PRKAR2A: variants seen among roughly 807,000 people sequenced by gnomAD.
The protein encoded by PRKAR2A is cAMP-dependent protein kinase type II-alpha regulatory subunit.
A neutral mutation model predicts 51.9 loss-of-function variants in PRKAR2A; 29 were observed. The ratio of observed to expected loss-of-function variants is 0.56; its 90% CI spans 0.42 to 0.76. PRKAR2A has a LOEUF of 0.76. PRKAR2A is among the 30% of genes least tolerant of loss of function. The probability of loss-of-function intolerance (pLI) is 0.00; values close to 1 mark genes in which losing one functional copy is unlikely to be tolerated. For missense variants in PRKAR2A, 445 were observed against 512.1 expected, an observed-to-expected ratio of 0.87 and a Z score of 1.26; for synonymous variants, 178 against 186.2, an observed-to-expected ratio of 0.96 and a Z score of 0.36.
intron 5 of PRKAR2A, among the ~76,000 whole-genome samples, chr3:48,774,314 AC>A (rs1027555649): frequency 2.0e-5 from 3 of 151,906 alleles, no homozygotes; most frequent in African/African-American, 7.3e-5. Context: ...ATTAATAGTT[AC>A]TTTGAAATAT....
chr3:48,845,700 A>T (rs2083450474), intron 1 of PRKAR2A, among the ~76,000 whole-genome samples: 1 of 152,166 alleles, frequency 6.6e-6, no homozygotes, highest in Admixed American at 6.6e-5. Context: ...TAATCCTAGC[A>T]CTTTGGGAGG....
rs1262497052 is a variant in PRKAR2A, at chr3:48,750,217, G to T, written c.*1368C>A. The T allele has an allele frequency of 6.6e-6, 1 of 151,976 alleles. No individual in the cohort carries two copies. The highest frequency in any genetic ancestry group is 1.5e-5 in the Non-Finnish European group (1 of 68,018). The allele number at this position is 151,976 out of a possible 1,614,324, so 9.4% of individuals were successfully genotyped here. A position where few individuals can be genotyped will look rare whatever the true frequency, so the allele number is the denominator to read the frequency against. On this transcript the variant is annotated 3_prime_UTR_variant, in exon 11 of 11. Coordinates refer to ENST00000265563, the MANE Select transcript of PRKAR2A (RefSeq NM_004157.4). ...TGTCTCTATTAAAAATACAAAATTC[G>T]CCCGGCATGGTGGCGCATGCCTGTA...
chr3:48,789,489 T>C (rs1488752957), intron 4 of PRKAR2A, among the ~76,000 whole-genome samples: 1 of 150,050 alleles, frequency 6.7e-6, no homozygotes, highest in Non-Finnish European at 1.5e-5. Flanking sequence ...ATTCTTATTC[T>C]ATTTTTTTTT....
chr3:48,830,334 G>A (rs2083168688), intron 1 of PRKAR2A, among the ~76,000 whole-genome samples: 1 of 152,092 alleles, frequency 6.6e-6, no homozygotes, highest in African/African-American at 2.4e-5. Flanking sequence ...TTGTACCACT[G>A]GAAGGTCTTT....
chr3:48,756,719 A>G (rs1476208172), intron 8 of PRKAR2A, among the ~76,000 whole-genome samples: 8 of 152,212 alleles, frequency 5.3e-5, no homozygotes, highest in Admixed American at 5.2e-4. Context: ...GGCACACTTC[A>G]GTTTCTGACC....
At chr3:48,800,687 T>A (rs895016351) in intron 2 of PRKAR2A, among the ~76,000 whole-genome samples, 16 of 152,176 alleles carry the variant, frequency 1.1e-4, no homozygotes, top group African/African-American at 3.9e-4. Context: ...TCTTTTTTTT[T>A]TGAGACGGAG....
chr3:48,785,353 C>T (rs1161502119), intron 4 of PRKAR2A, among the ~76,000 whole-genome samples: 1 of 151,716 alleles, frequency 6.6e-6, no homozygotes, highest in Non-Finnish European at 1.5e-5. Flanking sequence ...CTCTGCCTCC[C>T]GGGCTCAAGC....
intron 1 of PRKAR2A, among the ~76,000 whole-genome samples, chr3:48,815,856 TA>T (rs2107386311): frequency 6.9e-6 from 1 of 145,006 alleles, no homozygotes; most frequent in East Asian, 2.1e-4. Flanking sequence ...CCATCTCTAC[TA>T]AAAATAAAAA....
At chr3:48,841,721 A>C (rs2083384527) in intron 1 of PRKAR2A, among the ~76,000 whole-genome samples, 1 of 152,092 alleles carries the variant, frequency 6.6e-6, no homozygotes, top group Admixed American at 6.6e-5. Context: ...ACATCTCCAC[A>C]TCTTGGCTAT....
intron 1 of PRKAR2A, among the ~76,000 whole-genome samples, chr3:48,831,966 C>CGTG: frequency 6.6e-6 from 1 of 152,260 alleles, no homozygotes; most frequent in Middle Eastern, 3.4e-3. Context: ...ACTGTCTTTG[C>CGTG]ACACGTATCT....
chr3:48,842,053 T>C lies in PRKAR2A; in HGVS notation c.262+5282A>G, dbSNP rs1036305579. On this transcript the variant is annotated intron_variant, in intron 1 of 10. Coordinates refer to ENST00000265563, the MANE Select transcript of PRKAR2A (RefSeq NM_004157.4). The stretch of plus-strand genomic sequence containing the variant: ...ATTCTTCCTATCCATGAGCATGGAA[T>C]GTTCTTCCATTTGTTTGTATCCTCT... Among the ~76,000 whole-genome samples the C allele has an allele frequency of 2.0e-5, 3 of 152,202 alleles. No individual in the cohort carries two copies. The East Asian group carries it at 5.8e-4, about 29-fold the overall frequency.
intron 1 of PRKAR2A, among the ~76,000 whole-genome samples, chr3:48,814,238 A>C (rs905997081): frequency 2.0e-5 from 3 of 151,002 alleles, no homozygotes; most frequent in Non-Finnish European, 3.0e-5. Flanking sequence ...CAGAGCGAGA[A>C]TCCGTCTCAA....
chr3:48,797,210 C>T (rs1210753192), intron 2 of PRKAR2A, among the ~76,000 whole-genome samples: 1 of 152,080 alleles, frequency 6.6e-6, no homozygotes, highest in African/African-American at 2.4e-5. Flanking sequence ...CTGTCTTGCC[C>T]AGGCTGTAGT....
chr3:48,792,362 G>A (rs1238006939), intron 3 of PRKAR2A, among the ~76,000 whole-genome samples: 3 of 150,454 alleles, frequency 2.0e-5, no homozygotes, highest in East Asian at 2.0e-4. Flanking sequence ...GGCTGGTCTC[G>A]AACTCCTGAC....
intron 5 of PRKAR2A, among the ~76,000 whole-genome samples, chr3:48,777,082 A>G (rs2082116934): frequency 6.6e-6 from 1 of 152,084 alleles, no homozygotes; most frequent in Admixed American, 6.6e-5. Flanking sequence ...GGGGAGTTCA[A>G]TCAACACAAA....
chr3:48,772,921 G>A, intron 6 of PRKAR2A, 34 bp downstream of exon 6: 3 of 1,598,544 alleles, frequency 1.9e-6, no homozygotes, highest in Non-Finnish European at 2.6e-6. Flanking sequence ...AATTAATACT[G>A]TGCCTTGCAA....
intron 6 of PRKAR2A, among the ~76,000 whole-genome samples, chr3:48,767,824 TGAGACAG>T (rs774045735): frequency 1.1e-4 from 16 of 150,978 alleles, no homozygotes; most frequent in Non-Finnish European, 2.2e-4. Context: ...CTAGGGAGGC[TGAGACAG>T]GAGAATCGCT....
At chr3:48,801,667 A>G (rs911253858) in intron 2 of PRKAR2A, among the ~76,000 whole-genome samples, 3 of 151,848 alleles carry the variant, frequency 2.0e-5, no homozygotes, top group African/African-American at 7.3e-5. Flanking sequence ...GTGCGATCTC[A>G]GCTCACTGCC....
At chr3:48,834,720 T>A (rs1266142123) in intron 1 of PRKAR2A, among the ~76,000 whole-genome samples, 7 of 131,598 alleles carry the variant, frequency 5.3e-5, no homozygotes, top group African/African-American at 2.0e-4. Context: ...TGAGAACCTG[T>A]CTCAAGAAAA....
Sources: gnomAD v4.1 joint callset for allele counts (sites outside exome capture counted in the v4.1 genomes callset) on GRCh38, gnomAD v4.1.1 for gene constraint, MANE v1.5 for transcripts, NCBI Gene and HGNC (gene_info 2026-07-23, HGNC 2026-07-21) for gene names.